The following ARAP2 variants were observed in gnomAD, a reference collection of about 807,000 sequenced individuals.
ARAP2 encodes arf-GAP with Rho-GAP domain, ANK repeat and PH domain-containing protein 2.
A neutral mutation model predicts 194.5 loss-of-function variants in ARAP2; 148 were observed. That is an observed-to-expected ratio of 0.76 (90% CI 0.67 to 0.87). The LOEUF (loss-of-function observed/expected upper bound fraction) is 0.87, where lower values mean the gene tolerates loss of function less well. Ranked by LOEUF, ARAP2 falls within the 40% of genes least tolerant of loss-of-function variation. The pLI is 0.00. For synonymous variants in ARAP2, 695 were observed against 683.5 expected, an observed-to-expected ratio of 1.02 and a Z score of -0.26; for missense variants, 2,128 against 1,989.7, an observed-to-expected ratio of 1.07 and a Z score of -1.32.
At position 36,185,991 on chromosome 4, in the gene ARAP2, G is replaced by A. The variant is rs181586943; in HGVS notation, c.1678+1460C>T. On this transcript the variant is annotated intron_variant, in intron 8 of 32. Transcript: ENST00000303965. ...GAAACTCTGTCTCAAAAAAAAAAAA[G>A]GATAATAATTTTAATACTACCAACC... is the stretch of plus-strand genomic sequence containing the variant. Among the ~76,000 whole-genome samples, 121 of 150,630 alleles carry A rather than the reference G, an allele frequency of 8.0e-4. 2 individuals are homozygous for A. In the East Asian group the frequency reaches 0.016, roughly 20 times the overall value.
chr4:36,192,121 A>C (rs1416603043), intron 7 of ARAP2, among the ~76,000 whole-genome samples: 1 of 151,192 alleles, frequency 6.6e-6, no homozygotes, highest in Non-Finnish European at 1.5e-5. Flanking sequence ...GAAGAGTCAC[A>C]ACAGAAACTC....
intron 15 of ARAP2, among the ~76,000 whole-genome samples, chr4:36,157,974 C>T (rs944260837): frequency 5.3e-5 from 8 of 152,210 alleles, no homozygotes; most frequent in East Asian, 1.9e-4. Flanking sequence ...TCAATGGCCA[C>T]CATCAATTGG....
chr4:36,155,640 ATTT>A (rs745688923), intron 15 of ARAP2, among the ~76,000 whole-genome samples: 272 of 150,228 alleles, frequency 1.8e-3, no homozygotes, highest in African/African-American at 6.5e-3. Flanking sequence ...GGTCTTTTTT[ATTT>A]TTTATTTATT....
intron 10 of ARAP2, 94 bp downstream of exon 10, chr4:36,166,838 C>T: frequency 3.3e-6 from 2 of 602,666 alleles, no homozygotes; most frequent in Non-Finnish European, 5.3e-6. Flanking sequence ...TTTTAAATGG[C>T]CTACAAGAGA....
In ARAP2 at chr4:36,117,147, C is replaced by A; in HGVS notation, c.3964-12G>T. ...CCAGCCTGGGAAACCTAGAAAAGGG[C>A]AGAGGTAGAAACAACACAGATAAAC... On this transcript the variant is annotated splice_polypyrimidine_tract_variant and intron_variant, in intron 24 of 32. Coordinates refer to ENST00000303965, the MANE Select transcript of ARAP2 (RefSeq NM_015230.4). 6.3e-7 allele frequency: 1 copy of A among 1,578,530 alleles called. No homozygotes were observed. The highest frequency in any genetic ancestry group is 8.6e-7 in the Non-Finnish European group (1 of 1,162,530).
At chr4:36,231,788 C>G (rs569577835) in intron 1 of ARAP2, among the ~76,000 whole-genome samples, 8 of 152,110 alleles carry the variant, frequency 5.3e-5, no homozygotes, top group Non-Finnish European at 1.0e-4. Flanking sequence ...GTATTATCCA[C>G]CACACTCAAG....
At chr4:36,042,084 C>T (rs1417795369) in intron 5 of ARAP2, among the ~76,000 whole-genome samples, 1 of 152,042 alleles carries the variant, frequency 6.6e-6, no homozygotes, top group Non-Finnish European at 1.5e-5. Flanking sequence ...CTGGGCTTAA[C>T]ACCTGGGTGA....
At chr4:36,005,636 T>C (rs1235158176) in intron 10 of ARAP2, 1 of 152,164 alleles carries the variant, frequency 6.6e-6, no homozygotes, top group Non-Finnish European at 1.5e-5. Flanking sequence ...TACAATTCTA[T>C]ACATTTGCCA....
intron 19 of ARAP2, among the ~76,000 whole-genome samples, chr4:36,136,816 T>TGTGC (rs1553916080): frequency 0.046 from 6,670 of 145,128 alleles, 224 homozygotes; most frequent in East Asian, 0.12. Context: ...TGTGTGTGTG[T>TGTGC]GTGCGTGTCT....
At chr4:36,036,957 T>G (rs1268691978) in intron 5 of ARAP2, among the ~76,000 whole-genome samples, 1 of 152,168 alleles carries the variant, frequency 6.6e-6, no homozygotes, top group Non-Finnish European at 1.5e-5. Context: ...TACATCTTCT[T>G]TCATGTGATA....
intron 31 of ARAP2, 68 bp downstream of exon 31, chr4:36,080,148 C>A: frequency 2.3e-6 from 3 of 1,295,814 alleles, no homozygotes; most frequent in East Asian, 2.4e-5. Flanking sequence ...TAGAAATCAC[C>A]ATCACACTAA....
chr4:36,123,959 T>C (rs1723280714), intron 22 of ARAP2, among the ~76,000 whole-genome samples: 1 of 151,784 alleles, frequency 6.6e-6, no homozygotes, highest in African/African-American at 2.4e-5. Flanking sequence ...CCTCTATAAT[T>C]CCATGCTGCA....
At chr4:36,206,481 C>T (rs554831860) in intron 6 of ARAP2, among the ~76,000 whole-genome samples, 1 of 152,292 alleles carries the variant, frequency 6.6e-6, no homozygotes, top group Non-Finnish European at 1.5e-5. Context: ...TCTATGAGTA[C>T]CTTTCCCTGT....
intron 26 of ARAP2, among the ~76,000 whole-genome samples, chr4:36,112,021 T>C (rs1043666292): frequency 1.3e-5 from 2 of 151,914 alleles, no homozygotes; most frequent in Non-Finnish European, 2.9e-5. Context: ...TTCTAAGCAC[T>C]AAACAGGGCC....
chr4:36,009,617 G>T (rs1714021118), intron 9 of ARAP2, among the ~76,000 whole-genome samples: 1 of 152,058 alleles, frequency 6.6e-6, no homozygotes, highest in African/African-American at 2.4e-5. Flanking sequence ...CTTTGTATCA[G>T]ATCTGCATAT....
chr4:36,018,102 A>G (rs1430377503), intron 6 of ARAP2, among the ~76,000 whole-genome samples: 2 of 152,294 alleles, frequency 1.3e-5, no homozygotes, highest in Non-Finnish European at 2.9e-5. Context: ...TGTGTGACTT[A>G]AAGTATACAA....
chr4:36,145,286 G>T (rs77280079), intron 19 of ARAP2, among the ~76,000 whole-genome samples: 3 of 151,880 alleles, frequency 2.0e-5, no homozygotes. Context: ...CTCAAGTGCC[G>T]ATCAGTGGTT....
At chr4:36,151,159 C>T (rs1730877368) in intron 15 of ARAP2, 115 bp from the exon 16 acceptor site, 1 of 928,238 alleles carries the variant, frequency 1.1e-6, no homozygotes, top group Admixed American at 3.0e-5. Flanking sequence ...TTATTAATTT[C>T]CTATTTCACA....
intron 19 of ARAP2, among the ~76,000 whole-genome samples, chr4:36,140,781 C>T (rs1180319611): frequency 4.0e-5 from 6 of 151,558 alleles, no homozygotes; most frequent in Non-Finnish European, 8.9e-5. Flanking sequence ...GTTTATTCCC[C>T]AGTATTAAGC....
Sources: gnomAD v4.1 joint callset for allele counts (sites outside exome capture counted in the v4.1 genomes callset) on GRCh38, gnomAD v4.1.1 for gene constraint, MANE v1.5 for transcripts, NCBI Gene and HGNC (gene_info 2026-07-23, HGNC 2026-07-21) for gene names.